The following LRP1B variants were observed in gnomAD, a reference collection of about 807,000 sequenced individuals.
LRP1B encodes the protein LDL receptor related protein 1B.
Under a neutral mutation model 556.6 loss-of-function variants are expected in LRP1B, and 217 were observed. The ratio of observed to expected loss-of-function variants is 0.39; its 90% confidence interval spans 0.35 to 0.44. The LOEUF is 0.44. LRP1B is among the 20% of genes least tolerant of loss of function. The pLI is 1.00. For synonymous variants in LRP1B, 2,047 were observed against 1,865.8 expected (o/e 1.10, Z -2.50); for missense variants, 5,053 against 5,620.8 (o/e 0.90, Z 3.23).
At position 141,846,638 on chromosome 2, in the gene LRP1B, T is replaced by TA. The variant is rs1423313898; in HGVS notation, c.83-36238dup. On this transcript the variant is annotated intron_variant, in intron 1 of 90. Transcript: ENST00000389484. ...AATATTAAGTAATCCAATAGCGTTT[T>TA]AAAACCAATATAGTGTGAGTAAATA... 3.3e-5 allele frequency among the ~76,000 whole-genome samples: 5 copies of TA among 151,574 alleles called. No individual in the cohort carries two copies. In the East Asian group the frequency reaches 9.7e-4, roughly 29 times the overall value.
chr2:140,599,925 T>C (rs967403526), intron 42 of LRP1B, among the ~76,000 whole-genome samples: 2 of 152,174 alleles, frequency 1.3e-5, no homozygotes, highest in Non-Finnish European at 2.9e-5. Flanking sequence ...CATTTTAAAA[T>C]ATCTGTTAAT....
intron 2 of LRP1B, among the ~76,000 whole-genome samples, chr2:141,639,643 A>G (rs2105362147): frequency 6.6e-6 from 1 of 151,902 alleles, no homozygotes; most frequent in East Asian, 1.9e-4. Flanking sequence ...TACATTTTAA[A>G]TTTTATCTCA....
chr2:142,053,662 C>A (rs949343174), intron 1 of LRP1B, among the ~76,000 whole-genome samples: 1 of 152,108 alleles, frequency 6.6e-6, no homozygotes. Context: ...TGGATTTATA[C>A]ATGGAAAATT....
chr2:140,572,484 G>T (rs1209569194), intron 43 of LRP1B, among the ~76,000 whole-genome samples: 5 of 151,240 alleles, frequency 3.3e-5, no homozygotes, highest in Non-Finnish European at 5.9e-5. Context: ...TTATCAAAAA[G>T]ACAAAAAATA....
intron 2 of LRP1B, among the ~76,000 whole-genome samples, chr2:141,725,549 A>G (rs1372396257): frequency 1.3e-5 from 2 of 151,932 alleles, no homozygotes; most frequent in Admixed American, 1.3e-4. Flanking sequence ...GAATTTTATT[A>G]GTCGTTGTGG....
At chr2:141,068,654 C>T (rs184385743) in intron 7 of LRP1B, among the ~76,000 whole-genome samples, 1 of 151,766 alleles carries the variant, frequency 6.6e-6, no homozygotes, top group African/African-American at 2.4e-5. Context: ...CAGCATTCAC[C>T]CATGCAAGTT....
chr2:140,623,425 A>G (rs930830212), intron 41 of LRP1B, among the ~76,000 whole-genome samples: 1 of 152,164 alleles, frequency 6.6e-6, no homozygotes, highest in African/African-American at 2.4e-5. Flanking sequence ...TATCTAGTAC[A>G]CCAGATAAAA....
intron 2 of LRP1B, among the ~76,000 whole-genome samples, chr2:141,543,518 C>A (rs1478713788): frequency 4.3e-3 from 391 of 91,206 alleles, no homozygotes; most frequent in Admixed American, 5.4e-3. Context: ...GACCCTGTCT[C>A]AAAAAAAAAA....
chr2:140,804,335 A>G (rs898229229), intron 32 of LRP1B, among the ~76,000 whole-genome samples: 7 of 152,170 alleles, frequency 4.6e-5, no homozygotes, highest in African/African-American at 1.7e-4. Context: ...CATAGATTCC[A>G]TGATAACTAG....
chr2:140,469,743 G>A (rs945184193), intron 60 of LRP1B, among the ~76,000 whole-genome samples: 1 of 152,136 alleles, frequency 6.6e-6, no homozygotes, highest in African/African-American at 2.4e-5. Flanking sequence ...TAACAAGTAG[G>A]TTTCAATCTT....
At chr2:140,863,763 T>C (rs776523045) in intron 27 of LRP1B, among the ~76,000 whole-genome samples, 9 of 152,266 alleles carry the variant, frequency 5.9e-5, no homozygotes, top group Admixed American at 2.0e-4. Context: ...CCTGCTACTT[T>C]TAAATTTCAT....
intron 66 of LRP1B, among the ~76,000 whole-genome samples, chr2:140,404,608 A>C (rs1481227418): frequency 6.6e-6 from 1 of 152,164 alleles, no homozygotes; most frequent in Non-Finnish European, 1.5e-5. Context: ...AAATGGCCTA[A>C]ATGCCCTACT....
At chr2:141,459,722 T>C (rs1681784613) in intron 3 of LRP1B, among the ~76,000 whole-genome samples, 1 of 152,108 alleles carries the variant, frequency 6.6e-6, no homozygotes, top group African/African-American at 2.4e-5. Context: ...TTTGCCACCA[T>C]GTGAGATGTG....
chr2:140,671,613 G>A (rs571613868), intron 41 of LRP1B, among the ~76,000 whole-genome samples: 1 of 152,128 alleles, frequency 6.6e-6, no homozygotes, highest in Admixed American at 6.5e-5. Flanking sequence ...CCACCTTCAG[G>A]TGCATTACTC....
chr2:141,763,737 C>A (rs549131843), intron 2 of LRP1B, among the ~76,000 whole-genome samples: 1 of 152,178 alleles, frequency 6.6e-6, no homozygotes, highest in East Asian at 1.9e-4. Context: ...ATGTTCATTA[C>A]AACACCAAAT....
intron 1 of LRP1B, among the ~76,000 whole-genome samples, chr2:141,818,932 T>C (rs1343953250): frequency 6.6e-6 from 1 of 151,924 alleles, no homozygotes; most frequent in East Asian, 2.0e-4. Context: ...TCTAATGGCA[T>C]TTTAGATCCT....
chr2:141,949,233 C>T (rs1574521308), intron 1 of LRP1B, among the ~76,000 whole-genome samples: 2 of 152,154 alleles, frequency 1.3e-5, no homozygotes, highest in East Asian at 3.9e-4. Context: ...GCTAGCTCTT[C>T]TAGCTCTTCC....
chr2:140,499,543 C>T (rs72899887), intron 55 of LRP1B, among the ~76,000 whole-genome samples: 31,872 of 151,534 alleles, frequency 0.21, 3,817 homozygotes, highest in Non-Finnish European at 0.27. Flanking sequence ...CATCATAGAG[C>T]GTATTTAAAC....
intron 1 of LRP1B, among the ~76,000 whole-genome samples, chr2:142,053,046 G>C (rs1216819736): frequency 6.6e-6 from 1 of 152,050 alleles, no homozygotes; most frequent in Non-Finnish European, 1.5e-5. Context: ...AATAAAAAGT[G>C]CCCTAGTCTG....
Sources: gnomAD v4.1 joint callset for allele counts (sites outside exome capture counted in the v4.1 genomes callset) on GRCh38, gnomAD v4.1.1 for gene constraint, MANE v1.5 for transcripts, NCBI Gene and HGNC (gene_info 2026-07-23, HGNC 2026-07-21) for gene names.